EYA2: variants seen among roughly 807,000 people sequenced by gnomAD.
The protein encoded by EYA2 is protein phosphatase EYA2.
In EYA2, 31 loss-of-function variants were observed where a neutral mutation model predicts 69.2. The observed-to-expected ratio is 0.45, with a 90% CI of 0.34 to 0.60. The LOEUF is 0.60. EYA2 is among the 20% of genes least tolerant of loss of function. The pLI is 0.02. For synonymous variants in EYA2, 257 were observed against 279.4 expected (o/e 0.92, Z 0.80); for missense variants, 622 against 701.2 (o/e 0.89, Z 1.28).
chr20:47,040,848 G>A (rs1240281818), intron 5 of EYA2, among the ~76,000 whole-genome samples: 1 of 152,106 alleles, frequency 6.6e-6, no homozygotes, highest in Non-Finnish European at 1.5e-5. Flanking sequence ...TTAGGGGGGA[G>A]GTTAAAAAAC....
intron 1 of EYA2, among the ~76,000 whole-genome samples, chr20:46,906,212 G>A (rs1353201402): frequency 6.6e-6 from 1 of 152,176 alleles, no homozygotes; most frequent in Admixed American, 6.5e-5. Context: ...AGCAAAAGTG[G>A]CACACAGCCA....
At chr20:47,022,079 C>CA (rs1168818326) in intron 5 of EYA2, among the ~76,000 whole-genome samples, 2 of 152,174 alleles carry the variant, frequency 1.3e-5, no homozygotes, top group Non-Finnish European at 2.9e-5. Flanking sequence ...ATCTTTGCTA[C>CA]AGGACTTTTC....
In EYA2 at chr20:47,105,624, C is replaced by CAAAA. The variant is rs3085517; in HGVS notation, c.888+8469_888+8472dup. Among the ~76,000 whole-genome samples the CAAAA allele has an allele frequency of 1.7e-3, 224 of 131,172 alleles. 7 individuals are homozygous for CAAAA. The highest frequency in any genetic ancestry group is 5.3e-3 in the African/African-American group (184 of 34,714). 86.1% of individuals were successfully genotyped at this position (131,172 alleles called of 152,430 possible). On this transcript the variant is annotated intron_variant, in intron 9 of 15. Coordinates refer to ENST00000327619, the MANE Select transcript of EYA2 (RefSeq NM_005244.5). ...TGGGCGACAGAGCAAGACTCTGTCC[C>CAAAA]AAAAAAAAAAAAAAAAGGAACCTGC...
intron 2 of EYA2, among the ~76,000 whole-genome samples, chr20:46,998,710 A>C (rs976991137): frequency 1.3e-5 from 2 of 152,226 alleles, no homozygotes; most frequent in Non-Finnish European, 2.9e-5. Flanking sequence ...GAAAGGAAGC[A>C]GAAAGGGAGG....
At chr20:46,929,200 T>C (rs1412048633) in intron 1 of EYA2, among the ~76,000 whole-genome samples, 1 of 151,910 alleles carries the variant, frequency 6.6e-6, no homozygotes, top group East Asian at 1.9e-4. Flanking sequence ...CTTAAAGTTT[T>C]TCCTGAAACC....
intron 5 of EYA2, among the ~76,000 whole-genome samples, chr20:47,043,984 C>A (rs1420782066): frequency 6.6e-6 from 1 of 152,170 alleles, no homozygotes; most frequent in African/African-American, 2.4e-5. Context: ...CAGTAATAGA[C>A]TATCCTTTTA....
At chr20:47,097,293 G>T in intron 9 of EYA2, 125 bp downstream of exon 9, 1 of 681,672 alleles carries the variant, frequency 1.5e-6, no homozygotes. Flanking sequence ...GCCCTTTGGG[G>T]TCAGCCCAGG....
chr20:46,932,777 G>A (rs114003412), intron 1 of EYA2, among the ~76,000 whole-genome samples: 8,551 of 152,076 alleles, frequency 0.056, 735 homozygotes, highest in African/African-American at 0.18. Flanking sequence ...TCCTAGCTAC[G>A]TGGATGGCTG....
chr20:47,123,353 A>G (rs1464967531), intron 9 of EYA2, among the ~76,000 whole-genome samples: 1 of 152,154 alleles, frequency 6.6e-6, no homozygotes, highest in Admixed American at 6.6e-5. Context: ...TTATTATTAA[A>G]ATATTGTCAT....
At chr20:47,183,186 C>A in intron 14 of EYA2, 105 bp from the exon 15 acceptor site, 1 of 973,788 alleles carries the variant, frequency 1.0e-6, no homozygotes, top group Non-Finnish European at 1.6e-6. Context: ...GAATACCGGG[C>A]CTTTGGGAGC....
At chr20:47,035,147 T>C (rs905886712) in intron 5 of EYA2, among the ~76,000 whole-genome samples, 1 of 152,198 alleles carries the variant, frequency 6.6e-6, no homozygotes, top group African/African-American at 2.4e-5. Flanking sequence ...TGCAAGAGGC[T>C]TGGAGCCAAG....
chr20:47,083,495 T>G (rs1264890500), intron 7 of EYA2, among the ~76,000 whole-genome samples: 1 of 150,780 alleles, frequency 6.6e-6, no homozygotes, highest in Non-Finnish European at 1.5e-5. Context: ...GGAGAATCCC[T>G]TGAACCAGGG....
intron 5 of EYA2, among the ~76,000 whole-genome samples, chr20:47,027,619 C>A (rs898599926): frequency 6.6e-6 from 1 of 152,172 alleles, no homozygotes; most frequent in Admixed American, 6.5e-5. Context: ...CTCCAAAAGC[C>A]ACTGGAGGTA....
intron 4 of EYA2, 151 bp downstream of exon 4, chr20:47,005,235 T>C (rs1982635532): frequency 2.2e-6 from 2 of 907,766 alleles, no homozygotes; most frequent in East Asian, 5.1e-5. Context: ...ACTTTAAATA[T>C]GGTTCAAATT....
At chr20:47,138,191 CTG>C (rs1281231028) in intron 9 of EYA2, among the ~76,000 whole-genome samples, 1 of 152,038 alleles carries the variant, frequency 6.6e-6, no homozygotes, top group Admixed American at 6.6e-5. Flanking sequence ...CAGGGCAACA[CTG>C]TGTTACTTGA....
At chr20:47,014,893 A>T (rs955553207) in intron 4 of EYA2, among the ~76,000 whole-genome samples, 1 of 152,214 alleles carries the variant, frequency 6.6e-6, no homozygotes, top group African/African-American at 2.4e-5. Flanking sequence ...AGGAAACCAC[A>T]CATTAGAATG....
rs777267335 is a variant in EYA2 at position 47,188,250 on chromosome 20, C to A, written c.*117C>A. On this transcript the variant is annotated 3_prime_UTR_variant, in exon 16 of 16. Coordinates refer to ENST00000327619, the MANE Select transcript of EYA2 (RefSeq NM_005244.5). The stretch of plus-strand genomic sequence containing the variant: ...GGACACCAGGAAGGGGCCCCACAGC[C>A]GAGACGACGTGTCCAGTGACCATCT... 1.1e-6 allele frequency: 1 copy of A among 909,280 alleles called. No individual in the cohort carries two copies. Among genetic ancestry groups the A allele is most frequent in the Non-Finnish European group, 1.7e-6 (1 of 583,558 alleles). The allele number at this position is 909,280 out of a possible 1,614,324, so 56.3% of individuals were successfully genotyped here. A position where few individuals can be genotyped will look rare whatever the true frequency, so the allele number is the denominator to read the frequency against.
intron 1 of EYA2, among the ~76,000 whole-genome samples, chr20:46,923,374 A>G (rs1304363831): frequency 6.6e-6 from 1 of 152,222 alleles, no homozygotes; most frequent in African/African-American, 2.4e-5. Flanking sequence ...TAAAAAACAA[A>G]CAAAAGAAAT....
At chr20:47,033,780 A>C (rs1984548923) in intron 5 of EYA2, among the ~76,000 whole-genome samples, 2 of 152,254 alleles carry the variant, frequency 1.3e-5, no homozygotes, top group African/African-American at 4.8e-5. Context: ...GAGTGACTCC[A>C]GTGAACATAG....
Sources: allele counts gnomAD v4.1 joint callset (sites outside exome capture counted in the v4.1 genomes callset), GRCh38; gene constraint gnomAD v4.1.1; transcripts MANE v1.5; gene names NCBI Gene and HGNC (gene_info 2026-07-23, HGNC 2026-07-21).